The following COBL variants were observed in gnomAD, a reference collection of about 807,000 sequenced individuals.
COBL encodes cordon-bleu WH2 repeat protein.
In COBL, 51 loss-of-function variants were observed where a neutral mutation model predicts 98.8. That is an observed-to-expected ratio of 0.52 (90% CI 0.41 to 0.65). COBL has a LOEUF of 0.65. COBL is among the 30% of genes least tolerant of loss of function. COBL has a pLI of 0.00. For synonymous variants in COBL, 634 were observed against 651.7 expected (o/e 0.97, Z 0.41); for missense variants, 1,617 against 1,617.5 (o/e 1.00, Z 0.01).
intron 1 of COBL, among the ~76,000 whole-genome samples, chr7:51,244,927 A>ACCCATT (rs1468120191): frequency 1.3e-5 from 2 of 152,066 alleles, no homozygotes; most frequent in African/African-American, 4.8e-5. Context: ...CTAAGGCTTC[A>ACCCATT]CCCATTTTTT....
chr7:51,262,724 G>A (rs1454905273), intron 1 of COBL, among the ~76,000 whole-genome samples: 3 of 152,212 alleles, frequency 2.0e-5, no homozygotes, highest in Non-Finnish European at 2.9e-5. Context: ...ATTAAAGCAT[G>A]AACCAGGGGC....
intron 5 of COBL, among the ~76,000 whole-genome samples, chr7:51,150,758 AC>A (rs1301070388): frequency 1.3e-5 from 2 of 152,178 alleles, no homozygotes; most frequent in African/African-American, 4.8e-5. Flanking sequence ...TTGGGCAGAG[AC>A]CACAGGCTGC....
intron 1 of COBL, among the ~76,000 whole-genome samples, chr7:51,223,939 C>T (rs192181147): frequency 6.6e-6 from 1 of 152,308 alleles, no homozygotes; most frequent in African/African-American, 2.4e-5. Flanking sequence ...AGACATCTAC[C>T]ACATAATGCT....
At chr7:51,189,229 A>G (rs192097250) in intron 4 of COBL, among the ~76,000 whole-genome samples, 1 of 152,328 alleles carries the variant, frequency 6.6e-6, no homozygotes, top group East Asian at 1.9e-4. Context: ...TTGAATGTCA[A>G]ATCAGATCTA....
chr7:51,249,967 T>C (rs1796585995), intron 1 of COBL, among the ~76,000 whole-genome samples: 1 of 152,108 alleles, frequency 6.6e-6, no homozygotes, highest in Admixed American at 6.6e-5. Flanking sequence ...CCAGGTGTGG[T>C]GGCGCTTGCT....
chr7:51,085,080 G>A, intron 7 of COBL, 86 bp downstream of exon 7: 23 of 1,590,590 alleles, frequency 1.4e-5, no homozygotes, highest in Non-Finnish European at 1.9e-5. Context: ...TATGGATGAG[G>A]CCACTGCAGG....
intron 7 of COBL, among the ~76,000 whole-genome samples, chr7:51,054,009 T>C (rs937910877): frequency 3.9e-5 from 6 of 152,192 alleles, no homozygotes; most frequent in Non-Finnish European, 1.5e-5. Context: ...GGTGAAACCC[T>C]GTCTTTACAA....
chr7:51,288,511 G>T (rs1373494319), intron 1 of COBL, among the ~76,000 whole-genome samples: 1 of 151,642 alleles, frequency 6.6e-6, no homozygotes, highest in African/African-American at 2.4e-5. Context: ...CCAGCACTTT[G>T]TGAGGCCGAG....
chr7:51,258,464 G>A (rs565542644), intron 1 of COBL, among the ~76,000 whole-genome samples: 3 of 152,182 alleles, frequency 2.0e-5, no homozygotes, highest in Non-Finnish European at 2.9e-5. Flanking sequence ...GATTTCAGAC[G>A]AGGCGGCAGC....
At chr7:51,207,468 C>T (rs1791856412) in intron 2 of COBL, among the ~76,000 whole-genome samples, 2 of 152,224 alleles carry the variant, frequency 1.3e-5, no homozygotes, top group South Asian at 2.1e-4. Context: ...CACGGTCTCC[C>T]TCTGATGCCG....
chr7:51,172,455 C>G (rs866855609), intron 5 of COBL: 4 of 1,288,008 alleles, frequency 3.1e-6, no homozygotes, highest in Non-Finnish European at 4.0e-6. Context: ...TTAGTACTCA[C>G]GTTCAAACCC....
In COBL at chr7:51,234,794, C is replaced by T. The variant is rs75681999; in HGVS notation, c.42-14850G>A. Among the ~76,000 whole-genome samples the T allele has an allele frequency of 8.1e-3, 1,233 of 151,972 alleles. 60 individuals are homozygous for T. The South Asian group carries it at 0.14, about 17-fold the overall frequency. Reference sequence around the variant, plus strand: ...TGAAGGGCCAGGGCTGGACAGCAGGCTGGACTAGACCAGGGCACATGCTGT... The same window carrying T: ...TGAAGGGCCAGGGCTGGACAGCAGGTTGGACTAGACCAGGGCACATGCTGT... On this transcript the variant is annotated intron_variant, in intron 1 of 12. Transcript: ENST00000265136.
At chr7:51,183,224 C>T (rs1454326109) in intron 5 of COBL, among the ~76,000 whole-genome samples, 2 of 152,136 alleles carry the variant, frequency 1.3e-5, no homozygotes, top group Non-Finnish European at 2.9e-5. Context: ...ACTTGAGTCC[C>T]CAGTCTTCAC....
intron 5 of COBL, among the ~76,000 whole-genome samples, chr7:51,157,877 T>C (rs1244862968): frequency 1.3e-5 from 2 of 152,226 alleles, no homozygotes; most frequent in African/African-American, 4.8e-5. Flanking sequence ...AATGCACTGA[T>C]ATATAATTTT....
chr7:51,030,114 T>G (rs553133046), intron 9 of COBL, among the ~76,000 whole-genome samples: 1 of 152,332 alleles, frequency 6.6e-6, no homozygotes, highest in African/African-American at 2.4e-5. Flanking sequence ...TATGGCTGAT[T>G]CAAATTTTTA....
rs1794104563 is a variant in COBL, at chr7:51,085,258, G to A, written c.1004C>T (p.Ala335Val). ...TGGCTGTGGTGGAGGGGGAGCTGGC[G>A]CTCGCCGCTTCTTCTTCTGTAAATC... Reference protein sequence around the residue: ...QIDLQKKKRRAPAPPPPQPPP... With the variant: ...QIDLQKKKRRVPAPPPPQPPP... Residue 335 changes from alanine (A) to valine (V), a missense_variant, in exon 7 of 13, where the codon GCG becomes GTG. Ala to Val is a moderately conservative substitution (Grantham distance 64, BLOSUM62 0). Transcript: ENST00000265136. 1 of 1,601,902 alleles carries A rather than the reference G, an allele frequency of 6.2e-7. No individual in the cohort carries two copies. The highest frequency in any genetic ancestry group is 8.5e-7 in the Non-Finnish European group (1 of 1,174,524).
intron 1 of COBL, among the ~76,000 whole-genome samples, chr7:51,262,686 T>C (rs1192006162): frequency 2.6e-5 from 4 of 152,180 alleles, no homozygotes; most frequent in Non-Finnish European, 2.9e-5. Context: ...GTGATTTACA[T>C]GACAGATGTG....
chr7:51,031,077 GGTGTGT>G, intron 8 of COBL, 168 bp from the exon 9 acceptor site: 1 of 614,620 alleles, frequency 1.6e-6, no homozygotes, highest in Middle Eastern at 4.3e-4. Context: ...ATTGTTCATG[GGTGTGT>G]GTGTCCCCCA....
At chr7:51,058,755 C>A (rs1000629864) in intron 7 of COBL, among the ~76,000 whole-genome samples, 1 of 152,212 alleles carries the variant, frequency 6.6e-6, no homozygotes, top group African/African-American at 2.4e-5. Flanking sequence ...GAAAGCCTGA[C>A]AGAGCATGGA....
Sources: allele counts gnomAD v4.1 joint callset (sites outside exome capture counted in the v4.1 genomes callset), GRCh38; gene constraint gnomAD v4.1.1; transcripts MANE v1.5; gene names NCBI Gene and HGNC (gene_info 2026-07-23, HGNC 2026-07-21).